The following ANKRD27 variants were observed in gnomAD, a reference collection of about 807,000 sequenced individuals.
ANKRD27 encodes the protein ankyrin repeat domain 27.
Under a neutral mutation model 129.7 loss-of-function variants are expected in ANKRD27, and 112 were observed. The observed-to-expected ratio is 0.86, with a 90% CI of 0.74 to 1.01. The LOEUF (loss-of-function observed/expected upper bound fraction) is 1.01. Ranked by LOEUF, ANKRD27 falls within the 50% of genes least tolerant of loss-of-function variation. The probability of loss-of-function intolerance (pLI) is 0.00; values close to 1 mark genes in which losing one functional copy is unlikely to be tolerated. For missense variants in ANKRD27, 1,258 were observed against 1,300.5 expected (o/e 0.97, Z 0.50); for synonymous variants, 516 against 511.2 (o/e 1.01, Z -0.13).
intron 2 of ANKRD27, among the ~76,000 whole-genome samples, chr19:32,656,486 G>A (rs1235876758): frequency 3.3e-5 from 5 of 152,038 alleles, no homozygotes; most frequent in Admixed American, 2.6e-4. Flanking sequence ...GCTCCATGAG[G>A]GTAAAGATGG....
intron 1 of ANKRD27, among the ~76,000 whole-genome samples, chr19:32,668,043 CT>C (rs1388091147): frequency 6.6e-6 from 1 of 152,198 alleles, no homozygotes; most frequent in Non-Finnish European, 1.5e-5. Context: ...GCATACATAA[CT>C]GCATGATGAA....
intron 1 of ANKRD27, among the ~76,000 whole-genome samples, chr19:32,661,332 T>C (rs905015940): frequency 2.0e-5 from 3 of 151,972 alleles, no homozygotes; most frequent in Non-Finnish European, 2.9e-5. Context: ...ACTTTGGATG[T>C]TATTTATTTT....
In ANKRD27 at chr19:32,600,011, G is replaced by C; in HGVS notation, c.2807C>G (p.Thr936Arg). The part of the protein sequence containing the change: ...KLYDLPDEPF[T>R]RQFYFVHSAG... ...TGAGTGGACAAAGTAAAACTGTCTT[G>C]TAAAAGGCTCATCTGGTAGATCATA... The change falls in exon 27 of 29, where the codon ACA (threonine) becomes AGA (arginine). Residue 936 changes from threonine (T) to arginine (R), a missense_variant. Physicochemically the swap from Thr to Arg is moderately conservative, Grantham distance 71. Transcript: ENST00000306065. 1 of 1,613,146 alleles carries C rather than the reference G, an allele frequency of 6.2e-7. No individual in the cohort carries two copies. Among genetic ancestry groups the C allele is most frequent in the Non-Finnish European group, 8.5e-7 (1 of 1,179,290 alleles).
chr19:32,632,763 G>A lies in ANKRD27; in HGVS notation c.1117-1269C>T, dbSNP rs546756768. Among the ~76,000 whole-genome samples the A allele has an allele frequency of 6.3e-4, 95 of 152,000 alleles. 1 individual carries two copies. The highest frequency in any genetic ancestry group is 4.6e-4 in the African/African-American group (19 of 41,372). On this transcript the variant is annotated intron_variant, in intron 12 of 28. Coordinates refer to ENST00000306065, the MANE Select transcript of ANKRD27 (RefSeq NM_032139.3). The stretch of plus-strand genomic sequence containing the variant: ...GTCAAGGGAATTTTCTCCAGCCAGC[G>A]GCTGCCAGAAAACCCCCAAACCCTG...
At chr19:32,659,961 A>G (rs977498386) in intron 1 of ANKRD27, among the ~76,000 whole-genome samples, 3 of 152,242 alleles carry the variant, frequency 2.0e-5, no homozygotes, top group Admixed American at 2.0e-4. Flanking sequence ...ATCTACCTCT[A>G]CAAAAATTAA....
intron 1 of ANKRD27, among the ~76,000 whole-genome samples, chr19:32,663,207 G>T (rs549623323): frequency 1.3e-5 from 2 of 152,164 alleles, no homozygotes; most frequent in African/African-American, 4.8e-5. Context: ...AAGGCCATGG[G>T]GGGAGAGCGA....
intron 1 of ANKRD27, chr19:32,673,434 T>C: frequency 1.0e-6 from 1 of 985,410 alleles, no homozygotes. Flanking sequence ...CGCCGAGCTC[T>C]GCAGGATTCC....
At chr19:32,661,245 A>C (rs10412115) in intron 1 of ANKRD27, among the ~76,000 whole-genome samples, 6,857 of 33,074 alleles carry the variant, frequency 0.21, 544 homozygotes, top group African/African-American at 0.29. Context: ...ACACACACAC[A>C]CACACATATA....
chr19:32,655,739 C>T (rs1315378261), intron 2 of ANKRD27, among the ~76,000 whole-genome samples: 5 of 151,944 alleles, frequency 3.3e-5, no homozygotes, highest in Admixed American at 1.3e-4. Context: ...AAAGTTAGGC[C>T]GGACACAGTG....
At chr19:32,663,112 C>G (rs1172364266) in intron 1 of ANKRD27, among the ~76,000 whole-genome samples, 3 of 152,160 alleles carry the variant, frequency 2.0e-5, no homozygotes, top group Non-Finnish European at 2.9e-5. Flanking sequence ...TACATACATA[C>G]ACACTTATAA....
rs1971628899 is a variant in ANKRD27 at position 32,600,058 on chromosome 19, T to C, written c.2768-8A>G. Reference sequence around the variant, plus strand: ...CATACAGTTTTGAGTTCCCTGTAGATAAAAAGATAAACATCTAAAAACTTC... The same window carrying C: ...CATACAGTTTTGAGTTCCCTGTAGACAAAAAGATAAACATCTAAAAACTTC... On this transcript the variant is annotated splice_polypyrimidine_tract_variant and splice_region_variant and intron_variant, in intron 26 of 28. Coordinates refer to ENST00000306065, the MANE Select transcript of ANKRD27 (RefSeq NM_032139.3). 1 of 1,593,830 alleles carries C rather than the reference T, an allele frequency of 6.3e-7. No individual in the cohort carries two copies. The highest frequency in any genetic ancestry group is 1.7e-5 in the Admixed American group (1 of 59,384).
chr19:32,621,029 C>G (rs151035386), intron 18 of ANKRD27, among the ~76,000 whole-genome samples: 8 of 152,088 alleles, frequency 5.3e-5, no homozygotes, highest in Non-Finnish European at 1.0e-4. Context: ...TGACTATATA[C>G]AGCTTTCTGT....
intron 16 of ANKRD27, 115 bp downstream of exon 16, chr19:32,626,597 G>C (rs975661179): frequency 3.3e-5 from 24 of 725,380 alleles, no homozygotes; most frequent in Non-Finnish European, 4.6e-5. Context: ...GAACGAGGGG[G>C]GCACAGCACC....
Position 32,628,759 on chromosome 19 carries a change from G to A in ANKRD27, c.1300C>T (p.Leu434Phe). ...TTCTCACAGTCATCGCAGAAGCAGAGAGGGTGACACATCTTTTGGACGGTA... is the reference window on the plus strand; with the variant it reads ...TTCTCACAGTCATCGCAGAAGCAGAAAGGGTGACACATCTTTTGGACGGTA... ...KDTVQKMCHP[L>F]CFCDDCEKLV... is the part of the protein sequence containing the mutation. Residue 434 changes from leucine to phenylalanine, a missense_variant, in exon 14 of 29, where the codon CTC becomes TTC. Leu to Phe is a conservative substitution (Grantham distance 22, BLOSUM62 0). Coordinates refer to ENST00000306065, the MANE Select transcript of ANKRD27 (RefSeq NM_032139.3). The A allele has an allele frequency of 6.2e-7, 1 of 1,614,180 alleles. No individual in the cohort carries two copies. The highest frequency in any genetic ancestry group is 8.5e-7 in the Non-Finnish European group (1 of 1,180,024).
intron 12 of ANKRD27, chr19:32,638,973 C>T (rs1967142430): frequency 2.9e-6 from 1 of 346,666 alleles, no homozygotes; most frequent in Non-Finnish European, 5.2e-6. Context: ...GGCAAAGGAG[C>T]CACCAGCCAC....
chr19:32,612,639 G>C (rs1568399107), intron 22 of ANKRD27, among the ~76,000 whole-genome samples: 1 of 151,902 alleles, frequency 6.6e-6, no homozygotes, highest in East Asian at 1.9e-4. Context: ...AGAGAACCCA[G>C]AAATAGATCC....
At chr19:32,620,840 C>A (rs1360890584) in intron 18 of ANKRD27, among the ~76,000 whole-genome samples, 2 of 137,540 alleles carry the variant, frequency 1.5e-5, no homozygotes, top group African/African-American at 5.5e-5. Flanking sequence ...AAGCTGAGAT[C>A]GCACCACTGT....
At chr19:32,648,156 C>A (rs543968819) in intron 3 of ANKRD27, among the ~76,000 whole-genome samples, 1 of 152,092 alleles carries the variant, frequency 6.6e-6, no homozygotes, top group South Asian at 2.1e-4. Context: ...GTCCCAGACA[C>A]TCAGGAGGCT....
At chr19:32,645,720 C>T (rs941629826) in intron 4 of ANKRD27, among the ~76,000 whole-genome samples, 20 of 152,134 alleles carry the variant, frequency 1.3e-4, no homozygotes, top group Non-Finnish European at 2.9e-4. Context: ...ACAGTCTCTG[C>T]CTCCCGGGTT....
Sources: gnomAD v4.1 joint callset for allele counts (sites outside exome capture counted in the v4.1 genomes callset) on GRCh38, gnomAD v4.1.1 for gene constraint, MANE v1.5 for transcripts, NCBI Gene and HGNC (gene_info 2026-07-23, HGNC 2026-07-21) for gene names.